Variants in USP45 observed in about 807,000 individuals in gnomAD.
USP45 encodes ubiquitin specific peptidase 45.
A neutral mutation model predicts 95.8 loss-of-function variants in USP45; 89 were observed. The observed-to-expected ratio is 0.93, with a 90% CI of 0.78 to 1.11. The LOEUF (loss-of-function observed/expected upper bound fraction) is 1.11, where lower values mean the gene tolerates loss of function less well. Among genes scored for constraint, USP45 ranks in the 50% least tolerant of loss-of-function variants. USP45 has a pLI of 0.00. For synonymous variants in USP45, 281 were observed against 316.2 expected (o/e 0.89, Z 1.18); for missense variants, 898 against 942.5 (o/e 0.95, Z 0.62).
In USP45 at chr6:99,434,418, AT is replaced by A. The variant is rs1308312044; in HGVS notation, c.*1297del. Reference sequence around the variant, plus strand: ...GCACTATCATTCATTGGCACTAATGATTAGGATGCTTGAACCATGCAGTTTT... The same window carrying A: ...GCACTATCATTCATTGGCACTAATGATAGGATGCTTGAACCATGCAGTTTT... On this transcript the variant is annotated 3_prime_UTR_variant, in exon 18 of 18. Coordinates refer to ENST00000500704, the MANE Select transcript of USP45 (RefSeq NM_001346022.3). 5.3e-5 allele frequency: 8 copies of A among 152,304 alleles called. No homozygotes were observed. Among genetic ancestry groups the A allele is most frequent in the Non-Finnish European group, 1.2e-4 (8 of 68,012 alleles). The allele number at this position is 152,304 out of a possible 1,614,324, so 9.4% of individuals were successfully genotyped here.
intron 5 of USP45, among the ~76,000 whole-genome samples, chr6:99,499,521 C>A (rs1796966794): frequency 6.6e-6 from 1 of 152,128 alleles, no homozygotes; most frequent in Non-Finnish European, 1.5e-5. Flanking sequence ...TATTTTAAAT[C>A]AAACTTGCCT....
intron 16 of USP45, among the ~76,000 whole-genome samples, 153 bp from the exon 17 acceptor site, chr6:99,437,552 C>T (rs759096503): frequency 2.4e-4 from 36 of 152,164 alleles, no homozygotes; most frequent in Admixed American, 2.6e-4. Flanking sequence ...ATGGAAAAAC[C>T]TTAACAAGGT....
rs1006204909 is a variant in USP45, at chr6:99,513,404, G to A, written c.-11+1988C>T. On this transcript the variant is annotated intron_variant, in intron 1 of 17. Transcript: ENST00000500704. ...TGATCTAGTCTTTTATAAGGGAAAAGAGACATAAGCAGACGGCAAATTTGA... is the reference window on the plus strand; with the variant it reads ...TGATCTAGTCTTTTATAAGGGAAAAAAGACATAAGCAGACGGCAAATTTGA... Among the ~76,000 whole-genome samples, 3 of 152,290 alleles carry A rather than the reference G, an allele frequency of 2.0e-5. No homozygotes were observed. In the South Asian group the frequency reaches 6.2e-4, roughly 32 times the overall value.
At chr6:99,468,307 G>A in intron 10 of USP45, 1 of 525,818 alleles carries the variant, frequency 1.9e-6, no homozygotes, top group South Asian at 1.8e-5. Context: ...AAAGGTATCG[G>A]TGTCAATCTG....
chr6:99,489,179 C>A (rs1314284064), intron 5 of USP45, among the ~76,000 whole-genome samples: 1 of 152,122 alleles, frequency 6.6e-6, no homozygotes, highest in East Asian at 1.9e-4. Context: ...TGATTCTTAA[C>A]CCAGGGTAGC....
At position 99,476,205 on chromosome 6, in the gene USP45, G is replaced by C. The variant is rs758126762; in HGVS notation, c.871C>G (p.Gln291Glu). Residue 291 changes from glutamine (Q) to glutamate (E), a missense_variant, in exon 9 of 18, where the codon CAA (glutamine) becomes GAA (glutamate). Gln to Glu is a conservative substitution (Grantham distance 29). Transcript: ENST00000500704. ...QKAPRFKDFQQQDSQELLHYL... is the reference protein window; with the variant it reads ...QKAPRFKDFQEQDSQELLHYL... ...TGAAGAAGCTCCTGACTGTCCTGTT[G>C]CTGGAAATCTTTAAATCGAGGTGCC... The C allele has an allele frequency of 1.2e-6, 2 of 1,613,974 alleles. No individual in the cohort carries two copies. Among genetic ancestry groups the C allele is most frequent in the Non-Finnish European group, 1.7e-6 (2 of 1,179,944 alleles).
chr6:99,437,400 C>A lies in USP45; in HGVS notation c.2161-1G>T, dbSNP rs1281781671. The A allele has an allele frequency of 4.4e-6, 7 of 1,573,978 alleles. No individual in the cohort carries two copies. The highest frequency in any genetic ancestry group is 6.0e-6 in the Non-Finnish European group (7 of 1,168,942). ...GAACTTTATCTCCCACACTTGCATTCTTTTAAACAAAGAAAAAAACCCAAA... is the reference window on the plus strand; with the variant it reads ...GAACTTTATCTCCCACACTTGCATTATTTTAAACAAAGAAAAAAACCCAAA... On this transcript the variant is annotated splice_acceptor_variant, in intron 16 of 17. Transcript: ENST00000500704. LOFTEE classifies it high-confidence loss of function.
In USP45 at chr6:99,508,616, G is replaced by A. The variant is rs779376348; in HGVS notation, c.267C>T (p.Gly89=). 5 of 1,610,172 alleles carry A rather than the reference G, an allele frequency of 3.1e-6. No homozygotes were observed. The highest frequency in any genetic ancestry group is 4.2e-6 in the Non-Finnish European group (5 of 1,179,032). Residue 89 remains glycine (G), a synonymous_variant, in exon 3 of 18, where the codon GGC becomes GGT. Transcript: ENST00000500704. ...TSDIWLCLKC[G]FQGCGKNSES... is the part of the protein sequence containing the mutation. Reference sequence around the variant, plus strand: ...TAAATAATACTTTTCTTACCTGGAAGCCACACTTGAGGCACAACCAAATAT... The same window carrying A: ...TAAATAATACTTTTCTTACCTGGAAACCACACTTGAGGCACAACCAAATAT...
chr6:99,435,696 A>G lies in USP45; in HGVS notation c.*20T>C. ...TGGCATTCAAAAACAAATGACCTAAATAATCATTACCATTAATAGTTATAA... is the reference window on the plus strand; with the variant it reads ...TGGCATTCAAAAACAAATGACCTAAGTAATCATTACCATTAATAGTTATAA... On this transcript the variant is annotated 3_prime_UTR_variant, in exon 18 of 18. Coordinates refer to ENST00000500704, the MANE Select transcript of USP45 (RefSeq NM_001346022.3). 6.2e-7 allele frequency: 1 copy of G among 1,602,106 alleles called. No individual in the cohort carries two copies. The highest frequency in any genetic ancestry group is 8.5e-7 in the Non-Finnish European group (1 of 1,173,570).
At chr6:99,445,431 C>T (rs956448402) in intron 14 of USP45, among the ~76,000 whole-genome samples, 2 of 150,266 alleles carry the variant, frequency 1.3e-5, no homozygotes, top group Admixed American at 1.3e-4. Context: ...TGCAGTGAGC[C>T]GAGATCGCGC....
intron 13 of USP45, among the ~76,000 whole-genome samples, chr6:99,450,712 C>T (rs2128569904): frequency 6.6e-6 from 1 of 152,272 alleles, no homozygotes. Flanking sequence ...GATACCAAAA[C>T]CTGGCAGAGA....
intron 5 of USP45, among the ~76,000 whole-genome samples, chr6:99,499,640 C>G (rs1796985988): frequency 6.6e-6 from 1 of 152,170 alleles, no homozygotes; most frequent in South Asian, 2.1e-4. Flanking sequence ...GCTCCACTCC[C>G]TCTCAAACTA....
At chr6:99,472,068 T>C (rs1360517876) in intron 9 of USP45, among the ~76,000 whole-genome samples, 1 of 152,056 alleles carries the variant, frequency 6.6e-6, no homozygotes, top group Non-Finnish European at 1.5e-5. Flanking sequence ...GACTAAACAA[T>C]AATTTAATTA....
Position 99,488,195 on chromosome 6 carries a change from C to G in USP45, c.714+5G>C, listed in dbSNP as rs745562545. ...GCAGCTATTATTCAAACAGTTATTA[C>G]TCACCAGCTGAGAGTCTGAGGAAGG... On this transcript the variant is annotated splice_donor_5th_base_variant and intron_variant, in intron 7 of 17. Transcript: ENST00000500704. 1 of 1,591,140 alleles carries G rather than the reference C, an allele frequency of 6.3e-7. No individual in the cohort carries two copies. Among genetic ancestry groups the G allele is most frequent in the South Asian group, 1.1e-5 (1 of 90,050 alleles).
intron 7 of USP45, 53 bp from the exon 8 acceptor site, chr6:99,482,936 T>G: frequency 1.5e-6 from 2 of 1,370,996 alleles, no homozygotes; most frequent in Non-Finnish European, 1.9e-6. Context: ...AAAAATAACA[T>G]ATTAAAAATC....
intron 13 of USP45, among the ~76,000 whole-genome samples, chr6:99,458,128 C>G (rs1336643114): frequency 6.6e-6 from 1 of 152,176 alleles, no homozygotes; most frequent in African/African-American, 2.4e-5. Context: ...TCCAGAGATT[C>G]TCCTGCCTCA....
At chr6:99,486,410 G>GA (rs1166330953) in intron 7 of USP45, among the ~76,000 whole-genome samples, 2 of 152,002 alleles carry the variant, frequency 1.3e-5, no homozygotes, top group African/African-American at 2.4e-5. Context: ...CATTTAACAG[G>GA]AAATCACATT....
At chr6:99,447,928 C>A (rs1782905553) in intron 13 of USP45, among the ~76,000 whole-genome samples, 1 of 152,208 alleles carries the variant, frequency 6.6e-6, no homozygotes. Flanking sequence ...GATATCCAGG[C>A]AAACAGGGCC....
intron 7 of USP45, among the ~76,000 whole-genome samples, chr6:99,484,403 C>T (rs1020507405): frequency 6.6e-6 from 1 of 152,034 alleles, no homozygotes; most frequent in African/African-American, 2.4e-5. Flanking sequence ...TGGTCTTAAA[C>T]TCCTGGCTTC....
Sources: gnomAD v4.1 joint callset for allele counts (sites outside exome capture counted in the v4.1 genomes callset) on GRCh38, gnomAD v4.1.1 for gene constraint, MANE v1.5 for transcripts, NCBI Gene and HGNC (gene_info 2026-07-23, HGNC 2026-07-21) for gene names.